Variants in NRP2 observed in about 807,000 individuals in gnomAD.
NRP2 encodes neuropilin 2.
In NRP2, 52 loss-of-function variants were observed where a neutral mutation model predicts 110.4. The observed-to-expected ratio is 0.47, with a 90% CI of 0.38 to 0.59. The LOEUF (loss-of-function observed/expected upper bound fraction) is 0.59. Ranked by LOEUF, NRP2 falls within the 20% of genes least tolerant of loss-of-function variation. NRP2 has a pLI of 0.00. For synonymous variants in NRP2, 508 were observed against 468.9 expected (o/e 1.08, Z -1.08); for missense variants, 1,049 against 1,203.0 (o/e 0.87, Z 1.89).
At chr2:205,739,310 C>T (rs1182779930) in intron 7 of NRP2, among the ~76,000 whole-genome samples, 3 of 152,184 alleles carry the variant, frequency 2.0e-5, no homozygotes, top group Non-Finnish European at 4.4e-5. Flanking sequence ...GTTTCCTTAT[C>T]CAATGAAGTG....
chr2:205,759,219 A>G (rs1450782029), intron 12 of NRP2, among the ~76,000 whole-genome samples: 1 of 152,214 alleles, frequency 6.6e-6, no homozygotes, highest in Non-Finnish European at 1.5e-5. Flanking sequence ...GTTCCTAGGG[A>G]AGCAAAGACT....
intron 15 of NRP2, among the ~76,000 whole-genome samples, chr2:205,784,847 G>C (rs2058218573): frequency 6.6e-6 from 1 of 152,174 alleles, no homozygotes; most frequent in African/African-American, 2.4e-5. Flanking sequence ...GCATGGGTCA[G>C]ATTCCTTCAC....
chr2:205,741,148 C>T (rs1379824348), intron 8 of NRP2, among the ~76,000 whole-genome samples: 1 of 152,176 alleles, frequency 6.6e-6, no homozygotes, highest in Non-Finnish European at 1.5e-5. Flanking sequence ...GTGGGCACAA[C>T]AGACTGTTCT....
At chr2:205,768,996 A>G (rs1274070492) in intron 15 of NRP2, among the ~76,000 whole-genome samples, 1 of 152,194 alleles carries the variant, frequency 6.6e-6, no homozygotes, top group African/African-American at 2.4e-5. Context: ...TGACCACAGC[A>G]TGCAACTCTG....
At chr2:205,750,478 C>T (rs185255826) in intron 11 of NRP2, among the ~76,000 whole-genome samples, 49 of 152,294 alleles carry the variant, frequency 3.2e-4, no homozygotes, top group African/African-American at 1.1e-3. Flanking sequence ...TCAGGGGCTC[C>T]GCATTTCTGG....
chr2:205,694,433 C>A (rs1408747792), intron 1 of NRP2, among the ~76,000 whole-genome samples: 1 of 152,216 alleles, frequency 6.6e-6, no homozygotes, highest in Non-Finnish European at 1.5e-5. Flanking sequence ...CTCTAACAGT[C>A]CAAGCCTGGA....
chr2:205,716,942 T>C (rs1316480833), intron 3 of NRP2, among the ~76,000 whole-genome samples: 3 of 152,206 alleles, frequency 2.0e-5, no homozygotes, highest in Non-Finnish European at 2.9e-5. Flanking sequence ...GCCAATGAAC[T>C]TGACTCCCTG....
At chr2:205,767,570 C>A in intron 15 of NRP2, 1 of 297,416 alleles carries the variant, frequency 3.4e-6, no homozygotes, top group Non-Finnish European at 6.7e-6. Context: ...CTTGCCTCAT[C>A]CAGGTTATAA....
chr2:205,741,428 G>C (rs2057439995), intron 8 of NRP2, among the ~76,000 whole-genome samples: 2 of 152,188 alleles, frequency 1.3e-5, no homozygotes, highest in African/African-American at 4.8e-5. Flanking sequence ...TGGCACGGTG[G>C]CAAGAGGGAC....
rs2058275619 is a variant in NRP2, at chr2:205,789,628, G to C, written c.2426-2607G>C. On this transcript the variant is annotated intron_variant, in intron 15 of 16. Transcript: ENST00000357785. ...AGCTGTGGCCTCTACCCTCTGCCTTGGGCTCCTAGCTCATCATTCTCCCCT... is the reference window on the plus strand; with the variant it reads ...AGCTGTGGCCTCTACCCTCTGCCTTCGGCTCCTAGCTCATCATTCTCCCCT... Among the ~76,000 whole-genome samples, 2 of 152,126 alleles carry C rather than the reference G, an allele frequency of 1.3e-5. 1 individual carries two copies. The highest frequency in any genetic ancestry group is 4.1e-4 in the South Asian group (2 of 4,830).
chr2:205,760,002 G>A (rs2057795765), intron 12 of NRP2, among the ~76,000 whole-genome samples: 1 of 152,202 alleles, frequency 6.6e-6, no homozygotes, highest in Non-Finnish European at 1.5e-5. Context: ...AAGCTATGCT[G>A]TGGCAGGTTT....
rs571027260 is a variant in NRP2, at chr2:205,736,510, G to C, written c.1147-4009G>C. On this transcript the variant is annotated intron_variant, in intron 7 of 16. Coordinates refer to ENST00000357785, the MANE Select transcript of NRP2 (RefSeq NM_003872.3). ...GTCATCTGAAAATTGTTGGCCTGAA[G>C]GTGGGACTTGGGAGTAGTCGTGGCT... Among the ~76,000 whole-genome samples the C allele has an allele frequency of 2.0e-5, 3 of 152,290 alleles. No individual in the cohort carries two copies. In the East Asian group the frequency reaches 5.8e-4, roughly 29 times the overall value.
Position 205,682,669 on chromosome 2 carries a change from G to A in NRP2, c.-622G>A, listed in dbSNP as rs1233574294. ...CGCCGCCGCACCAGCAGCAGCAACA[G>A]CAGCAGCAGCTTCCTTCCTCAGACT... On this transcript the variant is annotated 5_prime_UTR_variant, in exon 1 of 17. Coordinates refer to ENST00000357785, the MANE Select transcript of NRP2 (RefSeq NM_003872.3). This position sits in a 1 kb window ranked among gnomAD's most constrained non-coding sequence, Gnocchi z 4.3. The A allele has an allele frequency of 2.4e-5, 4 of 166,334 alleles. No individual in the cohort carries two copies. The highest frequency in any genetic ancestry group is 3.6e-4 in the East Asian group (2 of 5,612). 10.3% of individuals were successfully genotyped at this position (166,334 alleles called of 1,614,324 possible).
At position 205,763,594 on chromosome 2, in the gene NRP2, C is replaced by T. The variant is rs1384558425; in HGVS notation, c.2045-80C>T. Reference sequence around the variant, plus strand: ...ACACCGAAACTCAGTCCCAACTTTCCCTTGGAGAGGCCACAGCAGCACACT... The same window carrying T: ...ACACCGAAACTCAGTCCCAACTTTCTCTTGGAGAGGCCACAGCAGCACACT... On this transcript the variant is annotated intron_variant, in intron 12 of 16. Transcript: ENST00000357785. The surrounding 1 kb of genome is among the most constrained non-coding windows in gnomAD (Gnocchi z 4.0). The T allele has an allele frequency of 2.5e-6, 4 of 1,592,770 alleles. No homozygotes were observed. The African/African-American group carries it at 4.0e-5, about 16-fold the overall frequency.
chr2:205,717,497 C>T (rs1239597391), intron 3 of NRP2, among the ~76,000 whole-genome samples: 4 of 152,174 alleles, frequency 2.6e-5, no homozygotes, highest in Non-Finnish European at 4.4e-5. Flanking sequence ...AAATATTTGT[C>T]GGATTTGTCT....
chr2:205,707,775 C>T (rs2056711418), intron 2 of NRP2, among the ~76,000 whole-genome samples: 1 of 152,266 alleles, frequency 6.6e-6, no homozygotes, highest in East Asian at 1.9e-4. Flanking sequence ...ACAATTGGAT[C>T]CCCTGGGAGC....
intron 7 of NRP2, among the ~76,000 whole-genome samples, chr2:205,739,361 T>C (rs577019686): frequency 5.1e-4 from 77 of 152,320 alleles, no homozygotes; most frequent in African/African-American, 1.8e-3. Flanking sequence ...ATAGATATAA[T>C]TGTTTATACT....
intron 13 of NRP2, 191 bp downstream of exon 13, chr2:205,764,127 TTCC>T: frequency 5.7e-6 from 4 of 700,250 alleles, no homozygotes; most frequent in Non-Finnish European, 9.2e-6. Context: ...TGGTTCTTTG[TTCC>T]TCCTGTTGCC....
rs544261696 is a variant in NRP2, at chr2:205,744,394, A to G, written c.1641+842A>G. Among the ~76,000 whole-genome samples, 9 of 152,306 alleles carry G rather than the reference A, an allele frequency of 5.9e-5. No homozygotes were observed. In the East Asian group the frequency reaches 1.5e-3, roughly 26 times the overall value. ...TCTGAATGTCGCTGCATTCCTTTGT[A>G]TTCTCCTAGTTTTGACTGCTTAGAT... On this transcript the variant is annotated intron_variant, in intron 9 of 16. Coordinates refer to ENST00000357785, the MANE Select transcript of NRP2 (RefSeq NM_003872.3).
Sources: gnomAD v4.1 joint callset for allele counts (sites outside exome capture counted in the v4.1 genomes callset) on GRCh38, gnomAD v4.1.1 for gene constraint, Gnocchi (gnomAD v3.1) non-coding constraint, MANE v1.5 for transcripts, NCBI Gene and HGNC (gene_info 2026-07-23, HGNC 2026-07-21) for gene names.